Variants in MYBPC1 observed in about 807,000 individuals in gnomAD.
MYBPC1 encodes myosin binding protein C1.
A neutral mutation model predicts 147.1 loss-of-function variants in MYBPC1; 52 were observed. That is an observed-to-expected ratio of 0.35 (90% confidence interval 0.28 to 0.45). The LOEUF (loss-of-function observed/expected upper bound fraction) is 0.45. Among genes scored for constraint, MYBPC1 ranks in the 20% least tolerant of loss-of-function variants. The pLI is 1.00. For synonymous variants in MYBPC1, 477 were observed against 475.9 expected (o/e 1.00, Z -0.03); for missense variants, 1,228 against 1,440.3 (o/e 0.85, Z 2.39).
intron 1 of MYBPC1, among the ~76,000 whole-genome samples, chr12:101,597,908 C>A (rs2095487132): frequency 6.6e-6 from 1 of 151,928 alleles, no homozygotes; most frequent in South Asian, 2.1e-4. Context: ...TGGGGATCTC[C>A]CAGGATGCCT....
At chr12:101,604,197 T>C (rs1246354985) in intron 1 of MYBPC1, among the ~76,000 whole-genome samples, 2 of 152,164 alleles carry the variant, frequency 1.3e-5, no homozygotes, top group Admixed American at 1.3e-4. Flanking sequence ...AGCTATTTGT[T>C]GCTATGTAAT....
chr12:101,681,567 TATATATATATATATATATATATATA>T (rs1432522183), intron 29 of MYBPC1, among the ~76,000 whole-genome samples: 13 of 18,288 alleles, frequency 7.1e-4, no homozygotes, highest in South Asian at 3.2e-3. Context: ...TATATATATA[TATATATATATATATATATATATATA>T]TTTTTTTTTT....
Position 101,673,681 on chromosome 12 carries a change from C to T in MYBPC1, c.2809+59C>T, listed in dbSNP as rs1015507329. ...CAAAGCAGTACAGGGATGAATTGTC[C>T]TTGTCCCTAAGGCAAGAGCAGGAGT... On this transcript the variant is annotated intron_variant, in intron 25 of 31. Transcript: ENST00000361466. 5 of 1,578,266 alleles carry T rather than the reference C, an allele frequency of 3.2e-6. No homozygotes were observed. The Admixed American group carries it at 8.3e-5, about 26-fold the overall frequency.
chr12:101,600,788 T>C (rs1879597548), intron 1 of MYBPC1, among the ~76,000 whole-genome samples: 1 of 152,230 alleles, frequency 6.6e-6, no homozygotes, highest in Non-Finnish European at 1.5e-5. Context: ...GCTGCCAGTA[T>C]GTTCTGTGGT....
intron 3 of MYBPC1, among the ~76,000 whole-genome samples, chr12:101,622,923 T>C (rs7978967): frequency 5.3e-5 from 8 of 152,156 alleles, no homozygotes; most frequent in African/African-American, 1.9e-4. Context: ...TTCATGATAC[T>C]CTGAAGCGCT....
intron 1 of MYBPC1, among the ~76,000 whole-genome samples, chr12:101,599,733 C>A (rs1398696790): frequency 6.6e-6 from 1 of 152,122 alleles, no homozygotes. Flanking sequence ...AATTGTTTCC[C>A]TTTTGACTTC....
In MYBPC1 at chr12:101,666,890, TACATAC is replaced by T. The variant is rs200035138; in HGVS notation, c.2357-838_2357-833del. 4 of 462,830 alleles carry T rather than the reference TACATAC, an allele frequency of 8.6e-6. 1 individual carries two copies. The highest frequency in any genetic ancestry group is 1.8e-5 in the South Asian group (1 of 54,138). The allele number at this position is 462,830 out of a possible 1,614,324, so 28.7% of individuals were successfully genotyped here. A position where few individuals can be genotyped will look rare whatever the true frequency, so the allele number is the denominator to read the frequency against. ...CCAAGCATGAAGAATACTCATCACA[TACATAC>T]ACACACACACACACACACACACACA... On this transcript the variant is annotated intron_variant, in intron 22 of 31. Coordinates refer to ENST00000361466, the MANE Select transcript of MYBPC1 (RefSeq NM_002465.4).
chr12:101,637,281 G>T (rs912396965), intron 10 of MYBPC1: 1 of 152,988 alleles, frequency 6.5e-6, no homozygotes, highest in African/African-American at 2.4e-5. Flanking sequence ...ATGTGTTTTA[G>T]AAGTGACAAA....
intron 1 of MYBPC1, among the ~76,000 whole-genome samples, chr12:101,599,415 A>G (rs1247132776): frequency 6.6e-6 from 1 of 152,132 alleles, no homozygotes; most frequent in Non-Finnish European, 1.5e-5. Flanking sequence ...CCAAGCCAAA[A>G]AGCTACCTGA....
chr12:101,648,026 TC>T lies in MYBPC1; in HGVS notation c.1091-15del. ...CTTTGGATATTTAATGATTCTGATTTCCCCTTTTTGTATACTAGAGCCTCCA... is the reference window on the plus strand; with the variant it reads ...CTTTGGATATTTAATGATTCTGATTTCCCTTTTTGTATACTAGAGCCTCCA... On this transcript the variant is annotated intron_variant, in intron 13 of 31. Transcript: ENST00000361466. 2 of 1,574,094 alleles carry T rather than the reference TC, an allele frequency of 1.3e-6. No homozygotes were observed. Among genetic ancestry groups the T allele is most frequent in the Non-Finnish European group, 1.7e-6 (2 of 1,143,960 alleles).
Position 101,674,568 on chromosome 12 carries a change from C to T in MYBPC1, c.2810-724C>T, listed in dbSNP as rs539573407. On this transcript the variant is annotated intron_variant, in intron 25 of 31. Transcript: ENST00000361466. ...TTAAATTATACTGTAATTTTTGCAA[C>T]GTCAAGAAATAAATTTAAGGCCGGG... 3.9e-5 allele frequency among the ~76,000 whole-genome samples: 6 copies of T among 152,066 alleles called. No individual in the cohort carries two copies. In the East Asian group the frequency reaches 7.7e-4, roughly 20 times the overall value.
At chr12:101,678,374 G>T in intron 28 of MYBPC1, 136 bp downstream of exon 28, 1 of 1,278,774 alleles carries the variant, frequency 7.8e-7, no homozygotes, top group African/African-American at 1.5e-5. Flanking sequence ...GGTAGTGGTG[G>T]TAGATTATTA....
intron 12 of MYBPC1, among the ~76,000 whole-genome samples, chr12:101,645,153 C>T (rs1178107018): frequency 1.3e-5 from 2 of 151,426 alleles, no homozygotes; most frequent in African/African-American, 2.4e-5. Flanking sequence ...ACCTGGGAAT[C>T]CCATCTTATA....
intron 22 of MYBPC1, chr12:101,664,579 T>G (rs1412734476): frequency 1.3e-5 from 2 of 152,192 alleles, no homozygotes; most frequent in Non-Finnish European, 2.9e-5. Flanking sequence ...ACTATGGAGA[T>G]GAAACTTCCT....
chr12:101,618,587 G>A (rs1339628440), intron 3 of MYBPC1, among the ~76,000 whole-genome samples: 1 of 152,172 alleles, frequency 6.6e-6, no homozygotes, highest in African/African-American at 2.4e-5. Context: ...ATCCCAGAGG[G>A]CAAGCTGTCA....
At chr12:101,640,009 T>C (rs937101191) in intron 10 of MYBPC1, among the ~76,000 whole-genome samples, 1 of 152,018 alleles carries the variant, frequency 6.6e-6, no homozygotes, top group Non-Finnish European at 1.5e-5. Flanking sequence ...AACATACATA[T>C]ACATCTTTTT....
the MYBPC1 span, among the ~76,000 whole-genome samples, chr12:101,691,165 G>A: frequency 1.3e-5 from 2 of 152,148 alleles, no homozygotes; most frequent in Non-Finnish European, 1.5e-5. Flanking sequence ...TCCGCCTCCT[G>A]GGTTCAAGCA....
At chr12:101,655,220 G>A (rs1254607734) in intron 18 of MYBPC1, among the ~76,000 whole-genome samples, 3 of 151,926 alleles carry the variant, frequency 2.0e-5, no homozygotes, top group African/African-American at 7.3e-5. Flanking sequence ...TTAAATTTAA[G>A]AGAAATTTAA....
Position 101,642,566 on chromosome 12 carries a change from AGAG to A in MYBPC1, c.817_819del (p.Glu273del), listed in dbSNP as rs1892274181. 1.2e-6 allele frequency: 2 copies of A among 1,612,298 alleles called. No individual in the cohort carries two copies. The highest frequency in any genetic ancestry group is 2.2e-5 in the East Asian group (1 of 44,818). ...TCAAGCGACTCAAGCGCATGCGCAG[AGAG>A]GAGAAGAAGAGCGCAGGTGAGCGCT... On this transcript the variant is annotated inframe_deletion, in exon 11 of 32. Transcript: ENST00000361466.
Sources: gnomAD v4.1 joint callset for allele counts (sites outside exome capture counted in the v4.1 genomes callset) on GRCh38, gnomAD v4.1.1 for gene constraint, MANE v1.5 for transcripts, NCBI Gene and HGNC (gene_info 2026-07-23, HGNC 2026-07-21) for gene names.